The following NRXN3 variants were observed in gnomAD, a reference collection of about 807,000 sequenced individuals.
The protein encoded by NRXN3 is neurexin III.
NRXN3 carries 32 observed loss-of-function variants against 137.6 expected under a neutral mutation model. The ratio of observed to expected loss-of-function variants is 0.23; its 90% CI spans 0.18 to 0.31. The LOEUF is 0.31. Ranked by LOEUF, NRXN3 falls within the 10% of genes least tolerant of loss-of-function variation. The pLI, the probability that NRXN3 is intolerant of heterozygous loss-of-function variation, is 1.00. For missense variants in NRXN3, 1,574 were observed against 2,062.5 expected (o/e 0.76, Z 4.59); for synonymous variants, 798 against 784.5 (o/e 1.02, Z -0.29).
chr14:78,439,976 C>G (rs2094191500), intron 4 of NRXN3, among the ~76,000 whole-genome samples: 1 of 152,234 alleles, frequency 6.6e-6, no homozygotes, highest in Admixed American at 6.5e-5. Flanking sequence ...CTGCTCCTTC[C>G]TTTTGGCTGG....
At chr14:78,519,379 A>G (rs1660166066) in intron 4 of NRXN3, among the ~76,000 whole-genome samples, 1 of 152,150 alleles carries the variant, frequency 6.6e-6, no homozygotes, top group Admixed American at 6.5e-5. Flanking sequence ...AGATGTGTGC[A>G]CGAGAAAAAT....
intron 15 of NRXN3, among the ~76,000 whole-genome samples, chr14:79,214,603 CAATT>C (rs1436015694): frequency 6.6e-6 from 1 of 152,112 alleles, no homozygotes; most frequent in Non-Finnish European, 1.5e-5. Context: ...AATCATTTGT[CAATT>C]AAAACAAATT....
At chr14:79,467,630 T>C (rs1221973769) in intron 16 of NRXN3, among the ~76,000 whole-genome samples, 2 of 152,228 alleles carry the variant, frequency 1.3e-5, no homozygotes, top group Admixed American at 6.5e-5. Flanking sequence ...ATTCATTCTT[T>C]GCAGGCTCCC....
intron 15 of NRXN3, among the ~76,000 whole-genome samples, chr14:79,457,478 T>C (rs2096273158): frequency 6.6e-6 from 1 of 152,216 alleles, no homozygotes; most frequent in Non-Finnish European, 1.5e-5. Flanking sequence ...TCAGTGAAGA[T>C]AAATGATTGT....
intron 15 of NRXN3, among the ~76,000 whole-genome samples, chr14:79,394,539 C>T (rs2094956990): frequency 6.6e-6 from 1 of 152,104 alleles, no homozygotes; most frequent in South Asian, 2.1e-4. Flanking sequence ...ATGGTGTTTA[C>T]ACATATTAGT....
chr14:79,631,132 G>A (rs532270916), intron 16 of NRXN3, among the ~76,000 whole-genome samples: 1 of 152,308 alleles, frequency 6.6e-6, no homozygotes, highest in Non-Finnish European at 1.5e-5. Flanking sequence ...AGAAAGGGTT[G>A]TAAAGGGAAC....
intron 15 of NRXN3, among the ~76,000 whole-genome samples, chr14:79,310,739 G>T (rs377675681): frequency 1.7e-5 from 2 of 120,026 alleles, no homozygotes; most frequent in African/African-American, 7.8e-5. Flanking sequence ...CTGTTTGTCT[G>T]TTATTGGTGT....
At chr14:79,422,697 CTTT>C (rs1185262366) in intron 15 of NRXN3, among the ~76,000 whole-genome samples, 1 of 130,148 alleles carries the variant, frequency 7.7e-6, no homozygotes, top group Non-Finnish European at 1.6e-5. Context: ...GTTCCACATT[CTTT>C]TTTTTTTTTT....
chr14:79,389,856 G>A (rs933427238), intron 15 of NRXN3, among the ~76,000 whole-genome samples: 8 of 152,258 alleles, frequency 5.3e-5, no homozygotes, highest in Non-Finnish European at 1.2e-4. Flanking sequence ...GAACAATTCT[G>A]TGAAGAATGG....
chr14:79,193,967 T>A (rs2064784511), intron 15 of NRXN3, among the ~76,000 whole-genome samples: 1 of 152,226 alleles, frequency 6.6e-6, no homozygotes, highest in Admixed American at 6.5e-5. Context: ...CCTATAAATG[T>A]AATAATAGAA....
At position 79,024,961 on chromosome 14, in the gene NRXN3, T is replaced by G. The variant is rs549709967; in HGVS notation, c.3262+36820T>G. 3.3e-5 allele frequency among the ~76,000 whole-genome samples: 5 copies of G among 152,274 alleles called. No homozygotes were observed. The East Asian group carries it at 9.7e-4, about 29-fold the overall frequency. The stretch of plus-strand genomic sequence containing the variant: ...TCTACTTTATAGATATTGAGACTCA[T>G]AGAGGCATAAAGTCCTACAGTATAA... On this transcript the variant is annotated intron_variant, in intron 15 of 20. Transcript: ENST00000335750.
intron 16 of NRXN3, among the ~76,000 whole-genome samples, chr14:79,591,170 G>A (rs1177993687): frequency 2.0e-5 from 3 of 152,144 alleles, no homozygotes; most frequent in African/African-American, 4.8e-5. Flanking sequence ...CATTTAGATG[G>A]AAAGTATTTA....
intron 4 of NRXN3, among the ~76,000 whole-genome samples, chr14:78,396,008 TCTA>T (rs2091415654): frequency 6.6e-6 from 1 of 152,104 alleles, no homozygotes; most frequent in African/African-American, 2.4e-5. Context: ...AGGGTGTAAG[TCTA>T]CTATTTCATT....
intron 4 of NRXN3, among the ~76,000 whole-genome samples, chr14:78,643,060 G>A (rs1401355788): frequency 6.6e-6 from 1 of 152,116 alleles, no homozygotes; most frequent in African/African-American, 2.4e-5. Flanking sequence ...TTAACTCCCT[G>A]GAGTATGAAG....
chr14:79,014,033 T>C (rs762212875), intron 15 of NRXN3, among the ~76,000 whole-genome samples: 6 of 152,182 alleles, frequency 3.9e-5, no homozygotes, highest in Non-Finnish European at 8.8e-5. Flanking sequence ...TCAAAGATGG[T>C]TGGCACCATC....
At chr14:78,942,046 TG>T (rs1471506600) in intron 10 of NRXN3, among the ~76,000 whole-genome samples, 1 of 152,142 alleles carries the variant, frequency 6.6e-6, no homozygotes, top group Non-Finnish European at 1.5e-5. Flanking sequence ...AATGTTGGAT[TG>T]GAGATGATAG....
Position 79,492,994 on chromosome 14 carries a change from T to C in NRXN3, c.3444+25592T>C, listed in dbSNP as rs564480404. On this transcript the variant is annotated intron_variant, in intron 16 of 20. Transcript: ENST00000335750. ...AACATGCCCAACAGGAACAGCAAAGTATTTACCTTCATGTGTAAAATGCCA... is the reference window on the plus strand; with the variant it reads ...AACATGCCCAACAGGAACAGCAAAGCATTTACCTTCATGTGTAAAATGCCA... Among the ~76,000 whole-genome samples the C allele has an allele frequency of 3.3e-5, 5 of 152,310 alleles. No individual in the cohort carries two copies. The East Asian group carries it at 9.7e-4, about 29-fold the overall frequency.
intron 10 of NRXN3, among the ~76,000 whole-genome samples, chr14:78,929,365 A>G (rs150772): frequency 0.012 from 1,828 of 151,746 alleles, 41 homozygotes; most frequent in African/African-American, 0.042. Flanking sequence ...CCCACCCTCT[A>G]CCCTCCAAAA....
chr14:79,082,758 AG>A (rs2047315045), intron 15 of NRXN3, among the ~76,000 whole-genome samples: 1 of 152,210 alleles, frequency 6.6e-6, no homozygotes, highest in Admixed American at 6.5e-5. Flanking sequence ...GGGACATCCA[AG>A]CAAAACAAGT....
Sources: gnomAD v4.1 joint callset for allele counts (sites outside exome capture counted in the v4.1 genomes callset) on GRCh38, gnomAD v4.1.1 for gene constraint, MANE v1.5 for transcripts, NCBI Gene and HGNC (gene_info 2026-07-23, HGNC 2026-07-21) for gene names.